CTNNA3: variants seen among roughly 807,000 people sequenced by gnomAD.
The protein encoded by CTNNA3 is catenin alpha 3.
In CTNNA3, 76 loss-of-function variants were observed where a neutral mutation model predicts 95.7. That is an observed-to-expected ratio of 0.79 (90% confidence interval 0.66 to 0.96). CTNNA3 has a LOEUF of 0.96. CTNNA3 is among the 40% of genes least tolerant of loss of function. CTNNA3 has a pLI of 0.00. For missense variants in CTNNA3, 1,191 were observed against 1,089.8 expected, an observed-to-expected ratio of 1.09 and a Z score of -1.31; for synonymous variants, 431 against 374.4, an observed-to-expected ratio of 1.15 and a Z score of -1.74.
chr10:66,586,606 G>A (rs1843367675), intron 10 of CTNNA3, among the ~76,000 whole-genome samples: 1 of 152,096 alleles, frequency 6.6e-6, no homozygotes, highest in African/African-American at 2.4e-5. Context: ...AGTTACCTTG[G>A]AGTGTTCCAG....
intron 5 of CTNNA3, among the ~76,000 whole-genome samples, chr10:67,458,129 G>T (rs1255715441): frequency 6.6e-6 from 1 of 151,942 alleles, no homozygotes; most frequent in Non-Finnish European, 1.5e-5. Context: ...AGTTTTCTCA[G>T]CCTCCCCAGC....
intron 10 of CTNNA3, among the ~76,000 whole-genome samples, chr10:66,529,226 T>G (rs1841373895): frequency 1.3e-5 from 2 of 152,054 alleles, no homozygotes; most frequent in Non-Finnish European, 2.9e-5. Context: ...CCTCCCAGAT[T>G]CAAGCAATTC....
At chr10:66,832,521 A>T (rs1370729055) in intron 7 of CTNNA3, among the ~76,000 whole-genome samples, 1 of 152,176 alleles carries the variant, frequency 6.6e-6, no homozygotes, top group Non-Finnish European at 1.5e-5. Flanking sequence ...AATTAAATTA[A>T]TGCCACAATC....
At chr10:66,692,895 T>C (rs1847606622) in intron 9 of CTNNA3, among the ~76,000 whole-genome samples, 2 of 152,066 alleles carry the variant, frequency 1.3e-5, no homozygotes, top group South Asian at 4.1e-4. Flanking sequence ...TAAAATACTT[T>C]ACAGACAAGC....
intron 3 of CTNNA3, among the ~76,000 whole-genome samples, chr10:67,553,002 C>T (rs1841089630): frequency 1.3e-5 from 2 of 152,046 alleles, no homozygotes; most frequent in East Asian, 3.9e-4. Flanking sequence ...ACCACCCAAT[C>T]TCTTTCATTG....
At chr10:66,411,080 T>A (rs1008432725) in intron 11 of CTNNA3, among the ~76,000 whole-genome samples, 1 of 152,210 alleles carries the variant, frequency 6.6e-6, no homozygotes, top group Non-Finnish European at 1.5e-5. Context: ...TTCTGTCAAT[T>A]TGAAAATAAT....
chr10:67,209,007 A>G (rs1041520023), intron 6 of CTNNA3, among the ~76,000 whole-genome samples: 3 of 152,012 alleles, frequency 2.0e-5, no homozygotes, highest in Non-Finnish European at 2.9e-5. Context: ...GAGTCAAGAA[A>G]ACTTCTAAAT....
intron 11 of CTNNA3, among the ~76,000 whole-genome samples, chr10:66,407,749 T>A (rs1373229241): frequency 1.3e-5 from 2 of 152,064 alleles, no homozygotes; most frequent in Non-Finnish European, 2.9e-5. Context: ...CTTGGCTAAT[T>A]TTTGTATTTT....
chr10:66,426,891 AT>A (rs1050277623), intron 11 of CTNNA3, among the ~76,000 whole-genome samples: 1 of 151,516 alleles, frequency 6.6e-6, no homozygotes, highest in African/African-American at 2.4e-5. Flanking sequence ...CAAATACTTT[AT>A]TTTTTCATAT....
chr10:67,005,597 A>G (rs1207081755), intron 7 of CTNNA3, among the ~76,000 whole-genome samples: 1 of 151,720 alleles, frequency 6.6e-6, no homozygotes, highest in Non-Finnish European at 1.5e-5. Context: ...GAATCGGAAA[A>G]AAAGGTATGT....
At chr10:66,573,596 C>A (rs1292239246) in intron 10 of CTNNA3, among the ~76,000 whole-genome samples, 1 of 152,044 alleles carries the variant, frequency 6.6e-6, no homozygotes, top group Non-Finnish European at 1.5e-5. Flanking sequence ...TATTGAATTG[C>A]CTATTCATTT....
chr10:67,273,202 C>A (rs1839056064), intron 5 of CTNNA3, among the ~76,000 whole-genome samples: 1 of 151,636 alleles, frequency 6.6e-6, no homozygotes, highest in Non-Finnish European at 1.5e-5. Context: ...TGACTAAAAC[C>A]ATATATGAAA....
chr10:66,265,311 G>A (rs1255402643), intron 13 of CTNNA3, among the ~76,000 whole-genome samples: 2 of 151,870 alleles, frequency 1.3e-5, no homozygotes, highest in African/African-American at 4.8e-5. Context: ...ACTTCAAGGT[G>A]GTATTCTCCT....
At chr10:66,892,034 A>G (rs569056738) in intron 7 of CTNNA3, among the ~76,000 whole-genome samples, 15 of 152,256 alleles carry the variant, frequency 9.9e-5, no homozygotes, top group Non-Finnish European at 1.8e-4. Context: ...TGCCTATTGT[A>G]TAATAATCAC....
chr10:67,041,852 T>C (rs1453234918), intron 7 of CTNNA3, among the ~76,000 whole-genome samples: 3 of 152,134 alleles, frequency 2.0e-5, no homozygotes. Flanking sequence ...CAGGTTAAGA[T>C]AGGAAATAAG....
At chr10:67,528,943 A>G (rs1333326336) in intron 4 of CTNNA3, among the ~76,000 whole-genome samples, 1 of 152,178 alleles carries the variant, frequency 6.6e-6, no homozygotes, top group Non-Finnish European at 1.5e-5. Context: ...ATCTCAAGAG[A>G]TCTATTGTAC....
chr10:66,286,152 T>C (rs1468259646), intron 12 of CTNNA3, among the ~76,000 whole-genome samples: 1 of 152,006 alleles, frequency 6.6e-6, no homozygotes, highest in Non-Finnish European at 1.5e-5. Flanking sequence ...TATATCCATA[T>C]ATTTCACATT....
chr10:67,259,230 C>T (rs188849180), intron 5 of CTNNA3, among the ~76,000 whole-genome samples: 1 of 152,162 alleles, frequency 6.6e-6, no homozygotes, highest in East Asian at 1.9e-4. Context: ...GAACCTAAAC[C>T]CATTCTGCGG....
intron 7 of CTNNA3, among the ~76,000 whole-genome samples, chr10:66,854,456 G>A (rs941219519): frequency 4.0e-5 from 6 of 151,862 alleles, no homozygotes; most frequent in Non-Finnish European, 7.4e-5. Flanking sequence ...ACAAGTAAAA[G>A]TATTAATCAT....
Sources: gnomAD v4.1 joint callset for allele counts (sites outside exome capture counted in the v4.1 genomes callset) on GRCh38, gnomAD v4.1.1 for gene constraint, MANE v1.5 for transcripts, NCBI Gene and HGNC (gene_info 2026-07-23, HGNC 2026-07-21) for gene names.